The following SELENOO variants were observed in gnomAD, a reference collection of about 807,000 sequenced individuals.
SELENOO encodes the protein selenoprotein O.
SELENOO carries 74 observed loss-of-function variants against 58.7 expected under a neutral mutation model. The observed-to-expected ratio is 1.26, with a 90% CI of 1.04 to 1.53. The LOEUF (loss-of-function observed/expected upper bound fraction) is 1.53. SELENOO is among the 40% of genes most tolerant of loss of function. The pLI is 0.00. For missense variants in SELENOO, 1,149 were observed against 970.0 expected (o/e 1.18, Z -2.45); for synonymous variants, 543 against 453.2 (o/e 1.20, Z -2.52).
chr22:50,208,029 CA>C (rs1225613331), intron 2 of SELENOO, among the ~76,000 whole-genome samples: 3 of 151,340 alleles, frequency 2.0e-5, no homozygotes, highest in Admixed American at 2.0e-4. Flanking sequence ...GGATGTTGAC[CA>C]AACGTGGAAT....
chr22:50,215,817 T>G lies in SELENOO; in HGVS notation c.1452T>G (p.Cys484Trp), dbSNP rs761506023. The part of the protein sequence containing the change: ...AEFLARLMEQ[C>W]ASLEELRLAF... ...TCCTGGCCAGGCTGATGGAGCAGTG[T>G]GCCTCCCTGGAGGAGCTGAGGCTGG... The change falls in exon 6 of 9, where the codon TGT becomes TGG. Residue 484 changes from cysteine (C) to tryptophan (W), a missense_variant. Physicochemically the swap from Cys to Trp is radical, Grantham distance 215. Coordinates refer to ENST00000380903, the MANE Select transcript of SELENOO (RefSeq NM_031454.2). 6.2e-7 allele frequency: 1 copy of G among 1,612,678 alleles called. No individual in the cohort carries two copies. The highest frequency in any genetic ancestry group is 8.5e-7 in the Non-Finnish European group (1 of 1,179,220).
In SELENOO at chr22:50,206,540, G is replaced by A. The variant is rs2294399; in HGVS notation, c.758+20G>A. 0.4 allele frequency: 640,660 copies of A among 1,597,578 alleles called. 128,802 individuals carry two copies. Among genetic ancestry groups the A allele is most frequent in the African/African-American group, 0.45 (33,691 of 74,626 alleles). The stretch of plus-strand genomic sequence containing the variant: ...CATAAGGTAATGCCGGGGGCCTTTC[G>A]GCCTGTCTACACGCACTTGCTTAGA... On this transcript the variant is annotated intron_variant, in intron 2 of 8. Transcript: ENST00000380903.
intron 4 of SELENOO, 131 bp downstream of exon 4, chr22:50,210,442 G>A: frequency 7.3e-7 from 1 of 1,365,762 alleles, no homozygotes; most frequent in Admixed American, 2.4e-5. Flanking sequence ...GGCTGATGTA[G>A]GAAGTAGAGA....
Position 50,215,817 on chromosome 22 carries a change from T to C in SELENOO, c.1452T>C (p.Cys484=), listed in dbSNP as rs761506023. The change falls in exon 6 of 9, where the codon TGT becomes TGC. Residue 484 remains cysteine, a synonymous_variant. Transcript: ENST00000380903. The part of the protein sequence containing the change: ...AEFLARLMEQ[C]ASLEELRLAF... ...TCCTGGCCAGGCTGATGGAGCAGTG[T>C]GCCTCCCTGGAGGAGCTGAGGCTGG... 3 of 1,612,678 alleles carry C rather than the reference T, an allele frequency of 1.9e-6. No homozygotes were observed. Among genetic ancestry groups the C allele is most frequent in the Non-Finnish European group, 1.7e-6 (2 of 1,179,220 alleles).
intron 5 of SELENOO, among the ~76,000 whole-genome samples, chr22:50,215,242 T>C (rs1040035938): frequency 3.3e-5 from 5 of 152,114 alleles, no homozygotes; most frequent in East Asian, 3.9e-4. Flanking sequence ...CAGTTGTGAC[T>C]GTGAGGATGT....
In SELENOO at chr22:50,210,753, C is replaced by A; in HGVS notation, c.1193C>A (p.Pro398His). Residue 398 changes from proline (P) to histidine (H), a missense_variant, in exon 5 of 9, where the codon CCC becomes CAC. Physicochemically the swap from Pro to His is moderately conservative, Grantham distance 77. Coordinates refer to ENST00000380903, the MANE Select transcript of SELENOO (RefSeq NM_031454.2). ...GCCGAGGCCCTGCAGCCGGAACTGCCCCTGGAGCTGGGGGAGGCCATCCTG... is the reference window on the plus strand; with the variant it reads ...GCCGAGGCCCTGCAGCCGGAACTGCACCTGGAGCTGGGGGAGGCCATCCTG... Reference protein sequence around the residue: ...KLAEALQPELPLELGEAILAE... With the variant: ...KLAEALQPELHLELGEAILAE... The A allele has an allele frequency of 3.1e-6, 5 of 1,613,738 alleles. No homozygotes were observed. The highest frequency in any genetic ancestry group is 4.2e-6 in the Non-Finnish European group (5 of 1,180,020).
Position 50,208,261 on chromosome 22 carries a change from C to T in SELENOO, c.759-275C>T, listed in dbSNP as rs567620368. On this transcript the variant is annotated intron_variant, in intron 2 of 8. Transcript: ENST00000380903. ...CCTGACCAACATGGTGAAACCCTGT[C>T]TCTACTAAAAATACAAAAATTAGCT... Among the ~76,000 whole-genome samples the T allele has an allele frequency of 6.6e-5, 10 of 152,176 alleles. No individual in the cohort carries two copies. In the East Asian group the frequency reaches 1.9e-3, roughly 30 times the overall value.
rs918922149 is a variant in SELENOO, at chr22:50,201,070, C to A, written c.34C>A (p.Leu12Ile). The A allele has an allele frequency of 5.9e-6, 8 of 1,361,222 alleles. No individual in the cohort carries two copies. The highest frequency in any genetic ancestry group is 6.6e-6 in the Non-Finnish European group (7 of 1,057,342). 84.3% of individuals were successfully genotyped at this position (1,361,222 alleles called of 1,614,324 possible). The stretch of plus-strand genomic sequence containing the variant: ...ATACAGGGCAGCGCTCGGGGCTTCG[C>A]TCGCGGCTGCCCGACTCTTGCCCCT... ...AVYRAALGAS[L>I]AAARLLPLGR... Residue 12 changes from leucine (L) to isoleucine (I), a missense_variant, in exon 1 of 9, where the codon CTC (leucine) becomes ATC (isoleucine). Physicochemically the swap from Leu to Ile is conservative, Grantham distance 5. Transcript: ENST00000380903.
chr22:50,216,213 C>T (rs1299516188), intron 6 of SELENOO, among the ~76,000 whole-genome samples: 1 of 152,216 alleles, frequency 6.6e-6, no homozygotes, highest in African/African-American at 2.4e-5. Flanking sequence ...TCTGAAGAGT[C>T]CCGCCCACGT....
At chr22:50,216,397 C>T (rs1321243237) in intron 6 of SELENOO, among the ~76,000 whole-genome samples, 1 of 152,230 alleles carries the variant, frequency 6.6e-6, no homozygotes, top group Non-Finnish European at 1.5e-5. Context: ...AACAGCAGTG[C>T]CCATCCCACA....
rs934162373 is a variant in SELENOO, at chr22:50,213,808, C to T, written c.1352-1909C>T. Among the ~76,000 whole-genome samples, 15 of 54,530 alleles carry T rather than the reference C, an allele frequency of 2.8e-4. No individual in the cohort carries two copies. In the African/African-American group the frequency reaches 3.1e-3, roughly 11 times the overall value. 35.8% of individuals were successfully genotyped at this position (54,530 alleles called of 152,430 possible). A position where few individuals can be genotyped will look rare whatever the true frequency, so the allele number is the denominator to read the frequency against. ...GACTACAGGCGCCTGCCACCACGCC[C>T]GGGTAATTTTTTTGTATTTTTAGTA... On this transcript the variant is annotated intron_variant, in intron 5 of 8. Coordinates refer to ENST00000380903, the MANE Select transcript of SELENOO (RefSeq NM_031454.2).
chr22:50,206,290 C>T (rs752681206), intron 1 of SELENOO, 27 bp from the exon 2 acceptor site: 18 of 1,606,212 alleles, frequency 1.1e-5, no homozygotes, highest in Admixed American at 3.3e-5. Context: ...GACCGGCCCA[C>T]GTAGTGAACT....
At chr22:50,206,638 C>G in intron 2 of SELENOO, 118 bp downstream of exon 2, 1 of 914,106 alleles carries the variant, frequency 1.1e-6, no homozygotes, top group Non-Finnish European at 1.6e-6. Context: ...TTGGCCTCTT[C>G]TGAAAGTCCA....
rs1382334728 is a variant in SELENOO, at chr22:50,206,252, C to T, written c.555-65C>T. 6.2e-6 allele frequency: 9 copies of T among 1,440,492 alleles called. No homozygotes were observed. The Admixed American group carries it at 1.5e-4, about 24-fold the overall frequency. The allele number at this position is 1,440,492 out of a possible 1,614,324, so 89.2% of individuals were successfully genotyped here. A position where few individuals can be genotyped will look rare whatever the true frequency, so the allele number is the denominator to read the frequency against. ...GCGTTCCCTCCTTTCCATGTGCTGCCCGGAATCCTGGTGTTGGGTGACCTC... is the reference window on the plus strand; with the variant it reads ...GCGTTCCCTCCTTTCCATGTGCTGCTCGGAATCCTGGTGTTGGGTGACCTC... On this transcript the variant is annotated intron_variant, in intron 1 of 8. Coordinates refer to ENST00000380903, the MANE Select transcript of SELENOO (RefSeq NM_031454.2).
At chr22:50,216,112 G>T (rs984553059) in intron 6 of SELENOO, among the ~76,000 whole-genome samples, 5 of 152,166 alleles carry the variant, frequency 3.3e-5, no homozygotes, top group African/African-American at 1.2e-4. Flanking sequence ...CTGTGGGTGG[G>T]CTTCAGAGAA....
Position 50,215,810 on chromosome 22 carries a change from A to G in SELENOO, c.1445A>G (p.Glu482Gly), listed in dbSNP as rs921069886. The G allele has an allele frequency of 3.1e-6, 5 of 1,612,650 alleles. No homozygotes were observed. Among genetic ancestry groups the G allele is most frequent in the African/African-American group, 1.3e-5 (1 of 74,906 alleles). ...GLAEFLARLM[E>G]QCASLEELRL... ...GCGGAATTCCTGGCCAGGCTGATGG[A>G]GCAGTGTGCCTCCCTGGAGGAGCTG... Residue 482 changes from glutamate (E) to glycine (G), a missense_variant, in exon 6 of 9, where the codon GAG becomes GGG. Transcript: ENST00000380903.
chr22:50,216,947 C>T lies in SELENOO; in HGVS notation c.1689-25C>T, dbSNP rs747661269. 1.6e-5 allele frequency: 26 copies of T among 1,605,136 alleles called. No homozygotes were observed. The African/African-American group carries it at 2.3e-4, about 14-fold the overall frequency. ...TGGAAAAAGTCCAGCCCGGCTGTGA[C>T]TCCAGAGCCCGGATGTCATTCCAGA... On this transcript the variant is annotated intron_variant, in intron 7 of 8. Coordinates refer to ENST00000380903, the MANE Select transcript of SELENOO (RefSeq NM_031454.2).
intron 5 of SELENOO, among the ~76,000 whole-genome samples, chr22:50,214,668 GGTA>G (rs1403643376): frequency 2.0e-5 from 3 of 152,206 alleles, no homozygotes; most frequent in South Asian, 2.1e-4. Context: ...GGGAGGCTGA[GGTA>G]GGAGAATTGC....
chr22:50,208,430 C>CAAA, intron 2 of SELENOO, 106 bp from the exon 3 acceptor site: 19 of 874,852 alleles, frequency 2.2e-5, no homozygotes, highest in Middle Eastern at 2.6e-4. Flanking sequence ...GACTCCATCT[C>CAAA]AAAAAAAAAA....
Sources: allele counts gnomAD v4.1 joint callset (sites outside exome capture counted in the v4.1 genomes callset), GRCh38; gene constraint gnomAD v4.1.1; transcripts MANE v1.5; gene names NCBI Gene and HGNC (gene_info 2026-07-23, HGNC 2026-07-21).